Variants in BRSK1 observed in about 807,000 individuals in gnomAD.
The protein encoded by BRSK1 is serine/threonine-protein kinase BRSK1.
Under a neutral mutation model 86.2 loss-of-function variants are expected in BRSK1, and 17 were observed. The observed-to-expected ratio is 0.20, with a 90% CI of 0.14 to 0.30. BRSK1 has a LOEUF of 0.30. Ranked by LOEUF, BRSK1 falls within the 10% of genes least tolerant of loss-of-function variation. BRSK1 has a pLI of 1.00. For missense variants in BRSK1, 719 were observed against 1,071.9 expected (o/e 0.67, Z 4.60); for synonymous variants, 464 against 440.1 (o/e 1.05, Z -0.68).
At position 55,305,553 on chromosome 19, in the gene BRSK1, C is replaced by T; in HGVS notation, c.1857C>T (p.Ser619=). The change falls in exon 16 of 19, where the codon AGC becomes AGT. Residue 619 remains serine (S), a synonymous_variant. Coordinates refer to ENST00000309383, the MANE Select transcript of BRSK1 (RefSeq NM_032430.2). ...TGCTAAAGGACAAACCTCTCAGCAGCATCAAAGCAGACATCGTCCATGCCT... is the reference window on the plus strand; with the variant it reads ...TGCTAAAGGACAAACCTCTCAGCAGTATCAAAGCAGACATCGTCCATGCCT... ...FLVLKDKPLS[S]IKADIVHAFL... 6.2e-7 allele frequency: 1 copy of T among 1,614,206 alleles called. No homozygotes were observed. Among genetic ancestry groups the T allele is most frequent in the Non-Finnish European group, 8.5e-7 (1 of 1,180,032 alleles).
Position 55,308,748 on chromosome 19 carries a change from G to T in BRSK1, c.2179+20G>T. The stretch of plus-strand genomic sequence containing the variant: ...TGGCAGGTGGGTGGTGGGGCCGTGG[G>T]TGGTGGGGGGCGTGGGTGGCGGGGG... On this transcript the variant is annotated intron_variant, in intron 18 of 18. Coordinates refer to ENST00000309383, the MANE Select transcript of BRSK1 (RefSeq NM_032430.2). 2 of 1,063,626 alleles carry T rather than the reference G, an allele frequency of 1.9e-6. No homozygotes were observed. The highest frequency in any genetic ancestry group is 1.3e-6 in the Non-Finnish European group (1 of 763,770). 65.9% of individuals were successfully genotyped at this position (1,063,626 alleles called of 1,614,324 possible). A position where few individuals can be genotyped will look rare whatever the true frequency, so the allele number is the denominator to read the frequency against.
At chr19:55,289,746 A>G in intron 4 of BRSK1, 126 bp downstream of exon 4, 1 of 1,235,198 alleles carries the variant, frequency 8.1e-7, no homozygotes, top group East Asian at 2.5e-5. Context: ...ATTGAGACAT[A>G]ACTCATACAC....
intron 4 of BRSK1, among the ~76,000 whole-genome samples, chr19:55,291,693 G>T (rs2088408867): frequency 6.6e-6 from 1 of 152,156 alleles, no homozygotes; most frequent in African/African-American, 2.4e-5. Flanking sequence ...TGGGGATCAC[G>T]GTAGAGGGAC....
Position 55,284,287 on chromosome 19 carries a change from TGG to T in BRSK1, c.-149_-148del. ...TCCCCCAGCTCCGCGGCCCGCCGAC[TGG>T]GGGGGGCCAGCCCAGCCCCCTGGGG... On this transcript the variant is annotated 5_prime_UTR_variant, in exon 1 of 19. Coordinates refer to ENST00000309383, the MANE Select transcript of BRSK1 (RefSeq NM_032430.2). 5.3e-6 allele frequency: 3 copies of T among 570,954 alleles called. No individual in the cohort carries two copies. Among genetic ancestry groups the T allele is most frequent in the Non-Finnish European group, 7.6e-6 (3 of 394,092 alleles). The allele number at this position is 570,954 out of a possible 1,614,324, so 35.4% of individuals were successfully genotyped here. A position where few individuals can be genotyped will look rare whatever the true frequency, so the allele number is the denominator to read the frequency against.
intron 18 of BRSK1, among the ~76,000 whole-genome samples, chr19:55,311,253 C>T (rs1279418028): frequency 2.0e-5 from 3 of 152,304 alleles, no homozygotes; most frequent in East Asian, 3.9e-4. Context: ...TGAGCCACTG[C>T]GCCCGGCCCA....
intron 4 of BRSK1, 84 bp from the exon 5 acceptor site, chr19:55,293,933 A>G: frequency 8.5e-7 from 1 of 1,173,864 alleles, no homozygotes; most frequent in Non-Finnish European, 1.2e-6. Context: ...AGTATGCAGA[A>G]GTGTTCCACT....
Position 55,306,375 on chromosome 19 carries a change from G to C in BRSK1, c.2014G>C (p.Gly672Arg). Residue 672 changes from glycine (G) to arginine (R), a missense_variant, in exon 17 of 19, where the codon GGT (glycine) becomes CGT (arginine). By Grantham distance (125) the Gly-to-Arg change is moderately radical. Transcript: ENST00000309383. The surrounding 1 kb of genome is among the most constrained non-coding windows in gnomAD (Gnocchi z 4.7). ...CCAGGTGGACATCAGCTCCTCTGAG[G>C]GTCCAGAGCCCTCCCCGCGACGGGA... ...RFQVDISSSE[G>R]PEPSPRRDGS... The C allele has an allele frequency of 6.2e-7, 1 of 1,614,052 alleles. No individual in the cohort carries two copies. Among genetic ancestry groups the C allele is most frequent in the Non-Finnish European group, 8.5e-7 (1 of 1,180,042 alleles).
chr19:55,305,375 T>C lies in BRSK1; in HGVS notation c.1766+6T>C, dbSNP rs2088634164. ...ACGCCAGAGTCCTCCCCGGAGTGAG[T>C]CTCACAGGGAAGGAAAGAGTGGGGA... is the stretch of plus-strand genomic sequence containing the variant. On this transcript the variant is annotated splice_donor_region_variant and intron_variant, in intron 15 of 18. Coordinates refer to ENST00000309383, the MANE Select transcript of BRSK1 (RefSeq NM_032430.2). The C allele has an allele frequency of 5.0e-6, 8 of 1,613,888 alleles. No homozygotes were observed. The highest frequency in any genetic ancestry group is 1.3e-5 in the African/African-American group (1 of 74,860).
chr19:55,300,856 G>GA (rs1043197311), intron 7 of BRSK1, among the ~76,000 whole-genome samples: 1 of 152,016 alleles, frequency 6.6e-6, no homozygotes, highest in African/African-American at 2.4e-5. Flanking sequence ...AAGAAAGAAA[G>GA]AAAGAAAAGA....
At position 55,304,463 on chromosome 19, in the gene BRSK1, C is replaced by A; in HGVS notation, c.1348-88C>A. 1 of 1,396,426 alleles carries A rather than the reference C, an allele frequency of 7.2e-7. No homozygotes were observed. Among genetic ancestry groups the A allele is most frequent in the African/African-American group, 1.5e-5 (1 of 68,406 alleles). 86.5% of individuals were successfully genotyped at this position (1,396,426 alleles called of 1,614,324 possible). On this transcript the variant is annotated intron_variant, in intron 13 of 18. Transcript: ENST00000309383. This position sits in a 1 kb window ranked among gnomAD's most constrained non-coding sequence, Gnocchi z 5.2. ...CAAGTTGCAGCATGCACCGGGCCAG[C>A]GTCCGTGAGTGTGCGTGTGAGTGGG...
In BRSK1 at chr19:55,303,170, A is replaced by G. The variant is rs982822917; in HGVS notation, c.1029-141A>G. ...ACACAGCTGAGATGTACCCTAAACC[A>G]GAGAAACTGACCATACTGATACCTA... On this transcript the variant is annotated intron_variant, in intron 10 of 18. Transcript: ENST00000309383. The surrounding 1 kb of genome is among the most constrained non-coding windows in gnomAD (Gnocchi z 5.1). 1.3e-4 allele frequency: 88 copies of G among 699,498 alleles called. No individual in the cohort carries two copies. The highest frequency in any genetic ancestry group is 1.8e-4 in the Admixed American group (7 of 38,520). The allele number at this position is 699,498 out of a possible 1,614,324, so 43.3% of individuals were successfully genotyped here.
intron 18 of BRSK1, among the ~76,000 whole-genome samples, chr19:55,309,965 C>G (rs2088746155): frequency 6.6e-6 from 1 of 152,204 alleles, no homozygotes; most frequent in South Asian, 2.1e-4. Flanking sequence ...CCTTCCTGGA[C>G]CCCTGGACCC....
chr19:55,300,844 A>AAAAG (rs151039501), intron 7 of BRSK1, among the ~76,000 whole-genome samples: 9 of 152,152 alleles, frequency 5.9e-5, no homozygotes, highest in East Asian at 1.9e-4. Context: ...TCCATCTCAA[A>AAAAG]AAAGAAAGAA....
At chr19:55,299,366 T>C (rs2088536329) in intron 7 of BRSK1, among the ~76,000 whole-genome samples, 1 of 143,344 alleles carries the variant, frequency 7.0e-6, no homozygotes, top group Admixed American at 6.8e-5. Flanking sequence ...TTATAATTTG[T>C]TTTGGTTTTT....
Position 55,302,681 on chromosome 19 carries a change from T to G in BRSK1, c.858-16T>G. ...TCAGAAGCCCGGTTCCCAATAATGT[T>G]TCTCCACTTCCCCAGAGGCGGGAAA... On this transcript the variant is annotated splice_polypyrimidine_tract_variant and intron_variant, in intron 9 of 18. Coordinates refer to ENST00000309383, the MANE Select transcript of BRSK1 (RefSeq NM_032430.2). The surrounding 1 kb of genome is among the most constrained non-coding windows in gnomAD (Gnocchi z 6.3). The G allele has an allele frequency of 6.3e-7, 1 of 1,596,426 alleles. No individual in the cohort carries two copies. The highest frequency in any genetic ancestry group is 8.6e-7 in the Non-Finnish European group (1 of 1,168,316).
At chr19:55,292,481 A>G (rs1600174850) in intron 4 of BRSK1, among the ~76,000 whole-genome samples, 1 of 152,142 alleles carries the variant, frequency 6.6e-6, no homozygotes, top group South Asian at 2.1e-4. Flanking sequence ...GGCGATGGGT[A>G]AGTGAGGCTT....
Position 55,305,590 on chromosome 19 carries a change from A to T in BRSK1, c.1890+4A>T. 6.2e-7 allele frequency: 1 copy of T among 1,613,962 alleles called. No individual in the cohort carries two copies. Among genetic ancestry groups the T allele is most frequent in the Non-Finnish European group, 8.5e-7 (1 of 1,180,022 alleles). On this transcript the variant is annotated splice_donor_region_variant and intron_variant, in intron 16 of 18. Transcript: ENST00000309383. The stretch of plus-strand genomic sequence containing the variant: ...CATCGTCCATGCCTTTCTGTCGGTG[A>T]GGGGCCTGGGTCCCCATCGAGCCTG...
Position 55,302,548 on chromosome 19 carries a change from C to T in BRSK1, c.858-149C>T, listed in dbSNP as rs2088587577. ...GGACTCCTGGGTCTGAGATGGGGGG[C>T]GAGGTCTGGGGCGTCTGGATTCCTG... On this transcript the variant is annotated intron_variant, in intron 9 of 18. Transcript: ENST00000309383. The surrounding 1 kb of genome is among the most constrained non-coding windows in gnomAD (Gnocchi z 6.3). The T allele has an allele frequency of 9.7e-7, 1 of 1,028,800 alleles. No individual in the cohort carries two copies. Among genetic ancestry groups the T allele is most frequent in the Non-Finnish European group, 1.4e-6 (1 of 706,182 alleles). The allele number at this position is 1,028,800 out of a possible 1,614,324, so 63.7% of individuals were successfully genotyped here.
chr19:55,306,169 CGTA>C lies in BRSK1; in HGVS notation c.1891-80_1891-78del. Reference sequence around the variant, plus strand: ...TTTCCCTCCAGTGGCTCATGGGACTCGTAGTTCCTTGGCCAGAGCTGGTCGTGG... The same window carrying C: ...TTTCCCTCCAGTGGCTCATGGGACTCGTTCCTTGGCCAGAGCTGGTCGTGG... On this transcript the variant is annotated intron_variant, in intron 16 of 18. Coordinates refer to ENST00000309383, the MANE Select transcript of BRSK1 (RefSeq NM_032430.2). This position sits in a 1 kb window ranked among gnomAD's most constrained non-coding sequence, Gnocchi z 4.7. 11 of 1,404,290 alleles carry C rather than the reference CGTA, an allele frequency of 7.8e-6. No homozygotes were observed. The highest frequency in any genetic ancestry group is 1.1e-5 in the Non-Finnish European group (11 of 1,016,252). The allele number at this position is 1,404,290 out of a possible 1,614,324, so 87.0% of individuals were successfully genotyped here.
Sources: gnomAD v4.1 joint callset for allele counts (sites outside exome capture counted in the v4.1 genomes callset) on GRCh38, gnomAD v4.1.1 for gene constraint, Gnocchi (gnomAD v3.1) non-coding constraint, MANE v1.5 for transcripts, NCBI Gene and HGNC (gene_info 2026-07-23, HGNC 2026-07-21) for gene names.